The following TJP1 variants were observed in gnomAD, a reference collection of about 807,000 sequenced individuals.
TJP1 encodes tight junction protein 1.
A neutral mutation model predicts 194.2 loss-of-function variants in TJP1; 43 were observed. The ratio of observed to expected loss-of-function variants is 0.22; its 90% CI spans 0.17 to 0.29. The LOEUF (loss-of-function observed/expected upper bound fraction) is 0.29, where lower values mean the gene tolerates loss of function less well. Among genes scored for constraint, TJP1 ranks in the 10% least tolerant of loss-of-function variants. The pLI, the probability that TJP1 is intolerant of heterozygous loss-of-function variation, is 1.00. For synonymous variants in TJP1, 801 were observed against 779.0 expected (o/e 1.03, Z -0.47); for missense variants, 1,971 against 2,185.7 (o/e 0.90, Z 1.96).
intron 2 of TJP1, among the ~76,000 whole-genome samples, chr15:29,912,695 C>CAAAAAAAAAAAAAAAAAAAAAAA (rs71103416): frequency 7.7e-5 from 5 of 64,950 alleles, no homozygotes; most frequent in African/African-American, 1.7e-4. Flanking sequence ...GACTCTGTCT[C>CAAAAAAAAAAAAAAAAAAAAAAA]AAAAAAAAAA....
At chr15:29,734,456 C>T in intron 11 of TJP1, 74 bp from the exon 12 acceptor site, 2 of 1,053,510 alleles carry the variant, frequency 1.9e-6, no homozygotes, top group Admixed American at 2.3e-5. Flanking sequence ...GACACAGATA[C>T]TCTCAGTCTA....
intron 2 of TJP1, among the ~76,000 whole-genome samples, chr15:29,779,465 C>T (rs1026389370): frequency 6.6e-6 from 1 of 152,114 alleles, no homozygotes; most frequent in Admixed American, 6.5e-5. Context: ...TTTGTTCTCC[C>T]ATCTCCTCAT....
intron 2 of TJP1, among the ~76,000 whole-genome samples, chr15:29,872,089 G>T (rs756287018): frequency 3.9e-5 from 6 of 152,144 alleles, no homozygotes; most frequent in Admixed American, 2.6e-4. Context: ...GGCAGCGGGG[G>T]ACACAATGGT....
intron 2 of TJP1, among the ~76,000 whole-genome samples, chr15:29,798,615 A>C (rs1054256937): frequency 6.6e-6 from 1 of 152,126 alleles, no homozygotes; most frequent in Non-Finnish European, 1.5e-5. Context: ...AGAGAATTTG[A>C]CCATTTCTTT....
intron 2 of TJP1, among the ~76,000 whole-genome samples, chr15:29,952,581 T>C (rs1230061140): frequency 1.3e-5 from 2 of 152,152 alleles, no homozygotes; most frequent in Admixed American, 1.3e-4. Flanking sequence ...CTCCACTTGC[T>C]ATGTTTTTCT....
chr15:29,720,366 A>G lies in TJP1; in HGVS notation c.2755T>C (p.Ser919Pro), dbSNP rs1018013440. The part of the protein sequence containing the change: ...RIDSPGFKPA[S>P]QQKAEASSPV... ...GAATGCTTGCTGCTTACCTGTTGAGAGGCTGGCTTAAATCCAGGGGAGTCT... is the reference window on the plus strand; with the variant it reads ...GAATGCTTGCTGCTTACCTGTTGAGGGGCTGGCTTAAATCCAGGGGAGTCT... The change falls in exon 19 of 28, where the codon TCT (serine) becomes CCT (proline). Residue 919 changes from serine (S) to proline (P), a missense_variant. Physicochemically the swap from Ser to Pro is moderately conservative, Grantham distance 74. Around this residue, in one of 5 missense-constraint regions of TJP1, gnomAD observed 1,108 missense variants for 1,128.5 expected, o/e 0.98. Coordinates refer to ENST00000614355, the MANE Select transcript of TJP1 (RefSeq NM_001330239.4). 1.3e-5 allele frequency: 20 copies of G among 1,581,480 alleles called. No individual in the cohort carries two copies. The highest frequency in any genetic ancestry group is 1.7e-5 in the Non-Finnish European group (20 of 1,164,114).
At chr15:29,936,787 C>T (rs2054896834) in intron 2 of TJP1, among the ~76,000 whole-genome samples, 1 of 152,148 alleles carries the variant, frequency 6.6e-6, no homozygotes. Context: ...ACTGTTATTG[C>T]TTACAGACCG....
intron 2 of TJP1, among the ~76,000 whole-genome samples, chr15:29,903,601 C>T (rs1481807990): frequency 2.6e-5 from 4 of 152,062 alleles, no homozygotes; most frequent in South Asian, 2.1e-4. Flanking sequence ...CCCGCCACCA[C>T]GCCCGGCTAA....
intron 2 of TJP1, among the ~76,000 whole-genome samples, chr15:29,788,580 C>T (rs1235886883): frequency 6.6e-6 from 1 of 152,134 alleles, no homozygotes; most frequent in African/African-American, 2.4e-5. Context: ...CAGTGCATTG[C>T]CTTGGCACCC....
chr15:29,770,418 G>A (rs2046586134), intron 4 of TJP1, among the ~76,000 whole-genome samples: 1 of 151,880 alleles, frequency 6.6e-6, no homozygotes, highest in African/African-American at 2.4e-5. Flanking sequence ...GGGTGACAGA[G>A]CGAAACCGTG....
chr15:29,765,058 G>A (rs923056577), intron 5 of TJP1, among the ~76,000 whole-genome samples: 4 of 152,042 alleles, frequency 2.6e-5, no homozygotes, highest in Non-Finnish European at 5.9e-5. Context: ...CAGAAAGGTG[G>A]GGGAAAAAAA....
intron 11 of TJP1, among the ~76,000 whole-genome samples, chr15:29,736,761 C>CAT (rs2044059011): frequency 6.6e-6 from 1 of 152,176 alleles, no homozygotes; most frequent in African/African-American, 2.4e-5. Context: ...GCAGCTTACA[C>CAT]ATTTGCCTTT....
intron 2 of TJP1, among the ~76,000 whole-genome samples, chr15:29,952,127 T>C (rs1369151104): frequency 6.6e-6 from 1 of 152,230 alleles, no homozygotes; most frequent in African/African-American, 2.4e-5. Flanking sequence ...TATTGATTGT[T>C]ATATGTCTAT....
At chr15:29,793,173 C>T (rs2048200936) in intron 2 of TJP1, among the ~76,000 whole-genome samples, 1 of 152,174 alleles carries the variant, frequency 6.6e-6, no homozygotes, top group African/African-American at 2.4e-5. Context: ...AGTGGGCTTC[C>T]TTGCCTTCTT....
chr15:29,724,960 G>A (rs2043154466), intron 18 of TJP1, among the ~76,000 whole-genome samples: 1 of 152,156 alleles, frequency 6.6e-6, no homozygotes, highest in South Asian at 2.1e-4. Context: ...TACTACAAAT[G>A]TATACTTTGT....
At chr15:29,822,531 C>G, upstream of TJP1, 1 of 970,322 alleles carries the variant, frequency 1.0e-6, no homozygotes, top group South Asian at 4.8e-5. Context: ...CTGGACGAGG[C>G]GAGGCGAGGC....
At position 29,700,287 on chromosome 15, in the gene TJP1, T is replaced by C. The variant is rs1439967154; in HGVS notation, c.*1308A>G. 5.0e-6 allele frequency: 2 copies of C among 398,828 alleles called. No individual in the cohort carries two copies. Among genetic ancestry groups the C allele is most frequent in the East Asian group, 3.6e-5 (1 of 28,054 alleles). 24.7% of individuals were successfully genotyped at this position (398,828 alleles called of 1,614,324 possible). Reference sequence around the variant, plus strand: ...AAACAGAAATCGTGCTGATGTGCCATAATAAATTGTCTATTAGTAAAAAAA... The same window carrying C: ...AAACAGAAATCGTGCTGATGTGCCACAATAAATTGTCTATTAGTAAAAAAA... On this transcript the variant is annotated 3_prime_UTR_variant, in exon 28 of 28. Transcript: ENST00000614355.
At chr15:29,838,836 C>T (rs1310969092) in intron 2 of TJP1, among the ~76,000 whole-genome samples, 1 of 152,106 alleles carries the variant, frequency 6.6e-6, no homozygotes, top group African/African-American at 2.4e-5. Flanking sequence ...AATTATGTTA[C>T]TTCATGAACA....
At chr15:29,772,443 T>C (rs2046752496) in intron 3 of TJP1, among the ~76,000 whole-genome samples, 1 of 152,194 alleles carries the variant, frequency 6.6e-6, no homozygotes, top group African/African-American at 2.4e-5. Context: ...CACGAAATGA[T>C]TCTTGGTAGT....
Sources: gnomAD v4.1 joint callset for allele counts (sites outside exome capture counted in the v4.1 genomes callset) on GRCh38, gnomAD v4.1.1 for gene constraint, gnomAD v4.1.1 regional missense constraint, MANE v1.5 for transcripts, NCBI Gene and HGNC (gene_info 2026-07-23, HGNC 2026-07-21) for gene names.